The following MITF variants were observed in gnomAD, a reference collection of about 807,000 sequenced individuals.
The protein encoded by MITF is microphthalmia-associated transcription factor.
A neutral mutation model predicts 60.5 loss-of-function variants in MITF; 17 were observed. That is an observed-to-expected ratio of 0.28 (90% CI 0.19 to 0.42). The LOEUF (loss-of-function observed/expected upper bound fraction) is 0.42, where lower values mean the gene tolerates loss of function less well. MITF is among the 10% of genes least tolerant of loss of function. The pLI, the probability that MITF is intolerant of heterozygous loss-of-function variation, is 1.00. For synonymous variants in MITF, 260 were observed against 248.5 expected, an observed-to-expected ratio of 1.05 and a Z score of -0.43; for missense variants, 622 against 683.5, an observed-to-expected ratio of 0.91 and a Z score of 1.00.
chr3:69,912,199 G>A (rs1398524702), intron 2 of MITF, among the ~76,000 whole-genome samples: 1 of 152,172 alleles, frequency 6.6e-6, no homozygotes, highest in African/African-American at 2.4e-5. Context: ...AGTTATAGGT[G>A]CTATCTTGCA....
intron 1 of MITF, among the ~76,000 whole-genome samples, chr3:69,797,281 A>G (rs1028341904): frequency 2.0e-5 from 3 of 152,152 alleles, no homozygotes; most frequent in Admixed American, 6.5e-5. Context: ...CTGTGTTCTC[A>G]GATTGTACAT....
intron 2 of MITF, among the ~76,000 whole-genome samples, chr3:69,921,016 C>T (rs376559769): frequency 2.6e-4 from 39 of 152,134 alleles, no homozygotes; most frequent in East Asian, 1.2e-3. Flanking sequence ...TACAGGCACA[C>T]GCCACCATGC....
chr3:69,783,573 G>C (rs2062600982), intron 1 of MITF, among the ~76,000 whole-genome samples: 2 of 151,566 alleles, frequency 1.3e-5, no homozygotes, highest in South Asian at 4.2e-4. Context: ...GTTGCTTTCT[G>C]CACCACAGAT....
intron 1 of MITF, among the ~76,000 whole-genome samples, chr3:69,760,301 A>G (rs2062192991): frequency 6.6e-6 from 1 of 152,130 alleles, no homozygotes; most frequent in Non-Finnish European, 1.5e-5. Context: ...GGATTGACAG[A>G]GGGCAGGTGA....
At chr3:69,922,750 G>A (rs1249336296) in intron 2 of MITF, among the ~76,000 whole-genome samples, 1 of 152,130 alleles carries the variant, frequency 6.6e-6, no homozygotes, top group Non-Finnish European at 1.5e-5. Flanking sequence ...ATACTGAGAT[G>A]CCTTTGGTTA....
At chr3:69,818,284 C>G (rs1033189167) in intron 1 of MITF, among the ~76,000 whole-genome samples, 7 of 152,172 alleles carry the variant, frequency 4.6e-5, no homozygotes, top group African/African-American at 7.2e-5. Context: ...TTCTTTCTTT[C>G]TGTTATCCAA....
chr3:69,916,858 G>A lies in MITF; in HGVS notation c.355-20964G>A, dbSNP rs1370775841. Among the ~76,000 whole-genome samples, 11 of 152,322 alleles carry A rather than the reference G, an allele frequency of 7.2e-5. No homozygotes were observed. The East Asian group carries it at 2.1e-3, about 29-fold the overall frequency. ...TACAAGTGGATTCTTGTAGAATTAA[G>A]TGATATTATCATAAAATAAACACAT... On this transcript the variant is annotated intron_variant, in intron 2 of 9. Coordinates refer to ENST00000352241, the MANE Select transcript of MITF (RefSeq NM_001354604.2).
Position 69,790,785 on chromosome 3 carries a change from G to A in MITF, c.104+51084G>A, listed in dbSNP as rs566113176. On this transcript the variant is annotated intron_variant, in intron 1 of 9. Coordinates refer to ENST00000352241, the MANE Select transcript of MITF (RefSeq NM_001354604.2). ...ATCAACAAATGGCTGTAGCTGAGGA[G>A]CAGCACCCCACTTTCAGTCCTAGGC... is the stretch of plus-strand genomic sequence containing the variant. Among the ~76,000 whole-genome samples, 37 of 152,282 alleles carry A rather than the reference G, an allele frequency of 2.4e-4. No individual in the cohort carries two copies. The South Asian group carries it at 7.3e-3, about 30-fold the overall frequency.
chr3:69,798,620 A>G (rs1041986379), intron 1 of MITF, among the ~76,000 whole-genome samples: 5 of 152,166 alleles, frequency 3.3e-5, no homozygotes, highest in African/African-American at 1.2e-4. Flanking sequence ...CTCTCTGTAG[A>G]TTATTGCAAC....
chr3:69,814,615 C>T (rs1272140538), intron 1 of MITF, among the ~76,000 whole-genome samples: 4 of 152,058 alleles, frequency 2.6e-5, no homozygotes, highest in East Asian at 1.9e-4. Context: ...CCAGTGTGCC[C>T]GGCCCCATTC....
chr3:69,882,659 T>G (rs2064516500), intron 2 of MITF, among the ~76,000 whole-genome samples: 1 of 152,128 alleles, frequency 6.6e-6, no homozygotes, highest in Non-Finnish European at 1.5e-5. Flanking sequence ...AAGTTTGAAA[T>G]TTGATGTAGC....
At chr3:69,793,069 GT>G (rs1319472603) in intron 1 of MITF, among the ~76,000 whole-genome samples, 24 of 120,060 alleles carry the variant, frequency 2.0e-4, no homozygotes, top group Non-Finnish European at 3.2e-5. Flanking sequence ...CTGAAGTACA[GT>G]GGTGCAATCA....
chr3:69,859,345 C>T (rs1014315743), intron 1 of MITF, among the ~76,000 whole-genome samples: 2 of 152,232 alleles, frequency 1.3e-5, no homozygotes, highest in Non-Finnish European at 1.5e-5. Context: ...AACAGTGTCT[C>T]TCTACCTTCT....
intron 1 of MITF, among the ~76,000 whole-genome samples, chr3:69,804,594 G>T (rs2062975464): frequency 1.3e-5 from 2 of 152,162 alleles, no homozygotes. Flanking sequence ...GAAAGTTTAT[G>T]TACGAAAGTG....
In MITF at chr3:69,903,523, T is replaced by A. The variant is rs1481441351; in HGVS notation, c.354+24140T>A. ...GAGCCTAGATCCAGTTTAATTACCA[T>A]ACAAATATCTTAGGTCATGAGGTAG... On this transcript the variant is annotated intron_variant, in intron 2 of 9. Coordinates refer to ENST00000352241, the MANE Select transcript of MITF (RefSeq NM_001354604.2). Among the ~76,000 whole-genome samples, 3 of 152,156 alleles carry A rather than the reference T, an allele frequency of 2.0e-5. No individual in the cohort carries two copies. The East Asian group carries it at 5.8e-4, about 29-fold the overall frequency.
chr3:69,819,988 C>T (rs2063242477), intron 1 of MITF, among the ~76,000 whole-genome samples: 1 of 152,000 alleles, frequency 6.6e-6, no homozygotes, highest in African/African-American at 2.4e-5. Context: ...CAAACAAAAA[C>T]ATAAAAGCTA....
Position 69,853,200 on chromosome 3 carries a change from A to G in MITF, c.105-25934A>G, listed in dbSNP as rs542158820. ...ACCTAGTAGTCCAGGCCAGAGTTTC[A>G]CCATGTCAGAATATCTGTGAGAACA... On this transcript the variant is annotated intron_variant, in intron 1 of 9. Coordinates refer to ENST00000352241, the MANE Select transcript of MITF (RefSeq NM_001354604.2). Among the ~76,000 whole-genome samples, 7 of 152,150 alleles carry G rather than the reference A, an allele frequency of 4.6e-5. No individual in the cohort carries two copies. In the South Asian group the frequency reaches 1.5e-3, roughly 32 times the overall value.
At chr3:69,961,207 G>A (rs867831923) in intron 9 of MITF, among the ~76,000 whole-genome samples, 80 of 146,640 alleles carry the variant, frequency 5.5e-4, no homozygotes, top group African/African-American at 1.9e-3. Context: ...AGATGTTGAA[G>A]CCCCATCTCT....
At chr3:69,826,075 G>A (rs1043679689) in intron 1 of MITF, among the ~76,000 whole-genome samples, 1 of 152,070 alleles carries the variant, frequency 6.6e-6, no homozygotes, top group African/African-American at 2.4e-5. Flanking sequence ...ACATAGAGAG[G>A]AGAATGTACA....
Sources: allele counts gnomAD v4.1 joint callset (sites outside exome capture counted in the v4.1 genomes callset), GRCh38; gene constraint gnomAD v4.1.1; transcripts MANE v1.5; gene names NCBI Gene and HGNC (gene_info 2026-07-23, HGNC 2026-07-21).